CELF2: variants seen among roughly 807,000 people sequenced by gnomAD.
CELF2 encodes CUG triplet repeat RNA-binding protein 2.
A neutral mutation model predicts 62.6 loss-of-function variants in CELF2; 8 were observed. The observed-to-expected ratio is 0.13, with a 90% confidence interval of 0.07 to 0.23. The LOEUF (loss-of-function observed/expected upper bound fraction) is 0.23. CELF2 is among the 10% of genes least tolerant of loss of function. The pLI is 1.00. For synonymous variants in CELF2, 258 were observed against 250.0 expected (o/e 1.03, Z -0.30); for missense variants, 333 against 671.0 (o/e 0.50, Z 5.56).
the CELF2 span, among the ~76,000 whole-genome samples, chr10:10,594,407 C>T: frequency 6.8e-6 from 1 of 146,284 alleles, no homozygotes; most frequent in African/African-American, 2.5e-5. Context: ...TTAGTTCGAG[C>T]TAACCTGTGC....
chr10:10,797,944 G>A (rs146972168), upstream of CELF2, among the ~76,000 whole-genome samples: 3 of 152,232 alleles, frequency 2.0e-5, no homozygotes, highest in East Asian at 5.8e-4. Flanking sequence ...AACGAGTATT[G>A]GAAGGATGTT....
intron 1 of CELF2, among the ~76,000 whole-genome samples, chr10:10,838,949 G>A (rs937935357): frequency 3.3e-5 from 5 of 151,964 alleles, no homozygotes; most frequent in Non-Finnish European, 7.4e-5. Flanking sequence ...GATCATCCTG[G>A]CTAATATGGT....
At chr10:10,493,067 G>A in the CELF2 span, among the ~76,000 whole-genome samples, 1 of 152,140 alleles carries the variant, frequency 6.6e-6, no homozygotes, top group Non-Finnish European at 1.5e-5. Context: ...GTCTTTATTA[G>A]CAGCATGAGA....
chr10:10,845,392 T>C (rs2058949001), intron 1 of CELF2, among the ~76,000 whole-genome samples: 2 of 148,318 alleles, frequency 1.3e-5, no homozygotes, highest in East Asian at 1.9e-4. Flanking sequence ...CGGGATAGTA[T>C]CTGTGGAAAC....
intron 4 of CELF2, chr10:11,257,426 G>C (rs1035260507): frequency 9.8e-6 from 2 of 203,748 alleles, no homozygotes; most frequent in African/African-American, 4.5e-5. Context: ...AAGTACTTTG[G>C]AATTTTAGTC....
In CELF2 at chr10:11,296,259, G is replaced by T. The variant is rs897755527; in HGVS notation, c.976+7707G>T. ...GTATTTGCTTTTTGCTGTTGGTGGC[G>T]CTGGACTCTGTGCTAAGTGTGATTT... On this transcript the variant is annotated intron_variant, in intron 9 of 12. Transcript: ENST00000633077. This position sits in a 1 kb window ranked among gnomAD's most constrained non-coding sequence, Gnocchi z 5.0. Among the ~76,000 whole-genome samples, 1 of 152,158 alleles carries T rather than the reference G, an allele frequency of 6.6e-6. No individual in the cohort carries two copies. Among genetic ancestry groups the T allele is most frequent in the Non-Finnish European group, 1.5e-5 (1 of 68,034 alleles).
rs2095170458 is a variant in CELF2 at position 11,318,097 on chromosome 10, A to G, written c.1097-3092A>G. The G allele has an allele frequency of 6.6e-6, 1 of 152,284 alleles. No individual in the cohort carries two copies. Among genetic ancestry groups the G allele is most frequent in the African/African-American group, 2.4e-5 (1 of 41,464 alleles). The allele number at this position is 152,284 out of a possible 1,614,324, so 9.4% of individuals were successfully genotyped here. On this transcript the variant is annotated intron_variant, in intron 10 of 12. Coordinates refer to ENST00000633077, the MANE Select transcript of CELF2 (RefSeq NM_001326342.2). The surrounding 1 kb of genome is among the most constrained non-coding windows in gnomAD (Gnocchi z 5.4). ...AGTGCCTGCAGCTGGGTTGACCAAC[A>G]CTGTCTTTGATAGAATTAATCTAGA...
intron 1 of CELF2, among the ~76,000 whole-genome samples, chr10:11,111,464 A>G (rs2055145489): frequency 6.6e-6 from 1 of 152,232 alleles, no homozygotes; most frequent in Non-Finnish European, 1.5e-5. Flanking sequence ...AATGTGTCTC[A>G]TAGACTGAGA....
Position 11,165,252 on chromosome 10 carries a change from C to G in CELF2, c.75-234C>G. 1 of 1,360,382 alleles carries G rather than the reference C, an allele frequency of 7.4e-7. No homozygotes were observed. The highest frequency in any genetic ancestry group is 9.5e-7 in the Non-Finnish European group (1 of 1,055,658). 84.3% of individuals were successfully genotyped at this position (1,360,382 alleles called of 1,614,324 possible). A position where few individuals can be genotyped will look rare whatever the true frequency, so the allele number is the denominator to read the frequency against. On this transcript the variant is annotated intron_variant, in intron 1 of 12. Transcript: ENST00000633077. The surrounding 1 kb of genome is among the most constrained non-coding windows in gnomAD (Gnocchi z 7.4). ...ACAGGCGGCAGGGCGCTGCCCCGTG[C>G]TCCCCCGGCTCTGCTCGACAGCAGC...
chr10:11,320,908 A>G (rs1040719859), intron 10 of CELF2: 3 of 1,547,914 alleles, frequency 1.9e-6, no homozygotes, highest in Non-Finnish European at 2.6e-6. Flanking sequence ...GGTACTTGCC[A>G]GTAGCACGCT....
chr10:10,717,580 C>A, the CELF2 span, among the ~76,000 whole-genome samples: 1 of 152,178 alleles, frequency 6.6e-6, no homozygotes, highest in Non-Finnish European at 1.5e-5. Flanking sequence ...TGGTTAACCT[C>A]ATGCCTCCCA....
At chr10:11,097,926 C>T (rs1446382222) in intron 1 of CELF2, 1 of 152,296 alleles carries the variant, frequency 6.6e-6, no homozygotes, top group Non-Finnish European at 1.5e-5. Flanking sequence ...CGGCCACTGA[C>T]CACATGACAC....
intron 2 of CELF2, among the ~76,000 whole-genome samples, chr10:11,179,521 G>A (rs1181635113): frequency 2.0e-5 from 3 of 152,146 alleles, no homozygotes; most frequent in Non-Finnish European, 4.4e-5. Flanking sequence ...ACCTCTCTCT[G>A]ATCCACCACT....
At chr10:11,228,751 A>C (rs2067519724) in intron 3 of CELF2, among the ~76,000 whole-genome samples, 1 of 150,684 alleles carries the variant, frequency 6.6e-6, no homozygotes, top group Non-Finnish European at 1.5e-5. Context: ...AAAAACTTGG[A>C]ACCACCATTT....
the CELF2 span, among the ~76,000 whole-genome samples, chr10:10,539,239 C>G: frequency 1.3e-5 from 2 of 152,210 alleles, no homozygotes; most frequent in Non-Finnish European, 1.5e-5. Context: ...AGTAGCAATA[C>G]ATATTCTATG....
Position 11,224,947 on chromosome 10 carries a change from A to G in CELF2, c.354+7440A>G, listed in dbSNP as rs2065990614. Among the ~76,000 whole-genome samples, 1 of 152,112 alleles carries G rather than the reference A, an allele frequency of 6.6e-6. No homozygotes were observed. Among genetic ancestry groups the G allele is most frequent in the South Asian group, 2.1e-4 (1 of 4,822 alleles). ...AGAGGGAGTCAGGGCTCTGCCGGAT[A>G]TGGTCTGGTTTGTGCAGGGAAGCGC... On this transcript the variant is annotated intron_variant, in intron 3 of 12. Coordinates refer to ENST00000633077, the MANE Select transcript of CELF2 (RefSeq NM_001326342.2). The surrounding 1 kb of genome is among the most constrained non-coding windows in gnomAD (Gnocchi z 4.5).
the CELF2 span, among the ~76,000 whole-genome samples, chr10:10,471,857 C>T: frequency 6.6e-6 from 1 of 151,648 alleles, no homozygotes; most frequent in Non-Finnish European, 1.5e-5. Flanking sequence ...TTTTGGATAG[C>T]TTCACTAAGC....
At chr10:10,670,123 A>G in the CELF2 span, among the ~76,000 whole-genome samples, 1 of 152,114 alleles carries the variant, frequency 6.6e-6, no homozygotes, top group Non-Finnish European at 1.5e-5. Context: ...GCTGGTCTCA[A>G]ACTCCTGACC....
At chr10:10,893,528 A>C (rs1450587978) in intron 1 of CELF2, among the ~76,000 whole-genome samples, 1 of 152,218 alleles carries the variant, frequency 6.6e-6, no homozygotes, top group Admixed American at 6.5e-5. Flanking sequence ...GAGCAAACCC[A>C]GTCTAGGAAG....
Sources: gnomAD v4.1 joint callset for allele counts (sites outside exome capture counted in the v4.1 genomes callset) on GRCh38, gnomAD v4.1.1 for gene constraint, Gnocchi (gnomAD v3.1) non-coding constraint, MANE v1.5 for transcripts, NCBI Gene and HGNC (gene_info 2026-07-23, HGNC 2026-07-21) for gene names.